Variants in DLG2 observed in about 807,000 individuals in gnomAD.
The protein encoded by DLG2 is discs large MAGUK scaffold protein 2.
DLG2 carries 45 observed loss-of-function variants against 132.5 expected under a neutral mutation model. The observed-to-expected ratio is 0.34, with a 90% CI of 0.27 to 0.44. The LOEUF (loss-of-function observed/expected upper bound fraction) is 0.44. Among genes scored for constraint, DLG2 ranks in the 20% least tolerant of loss-of-function variants. The pLI, the probability that DLG2 is intolerant of heterozygous loss-of-function variation, is 1.00. For missense variants in DLG2, 1,045 were observed against 1,196.9 expected (o/e 0.87, Z 1.87); for synonymous variants, 424 against 419.6 (o/e 1.01, Z -0.13).
intron 19 of DLG2, among the ~76,000 whole-genome samples, chr11:83,558,132 G>C (rs546736394): frequency 6.6e-6 from 1 of 152,196 alleles, no homozygotes; most frequent in South Asian, 2.1e-4. Flanking sequence ...CTCCAAACTG[G>C]CTCTAGTTGT....
intron 3 of DLG2, among the ~76,000 whole-genome samples, chr11:85,562,239 A>G (rs1249465939): frequency 6.6e-6 from 1 of 151,734 alleles, no homozygotes; most frequent in African/African-American, 2.4e-5. Context: ...TGATCCAGGC[A>G]ACTTTTATAT....
chr11:84,028,731 T>C (rs563321141), intron 11 of DLG2, among the ~76,000 whole-genome samples: 3 of 152,220 alleles, frequency 2.0e-5, no homozygotes, highest in South Asian at 2.1e-4. Context: ...CTACTTCTTG[T>C]CCCTGGAAAA....
chr11:83,842,294 G>C lies in DLG2; in HGVS notation c.1566-8524C>G, dbSNP rs113360547. ...CGGCAGATGGTTTAAGAGTGTTCAT[G>C]ACTCAAAAAGGAAAATTACCGCCAG... On this transcript the variant is annotated intron_variant, in intron 16 of 27. Transcript: ENST00000376104. Among the ~76,000 whole-genome samples, 428 of 152,102 alleles carry C rather than the reference G, an allele frequency of 2.8e-3. 4 individuals carry two copies. The highest frequency in any genetic ancestry group is 1.0e-2 in the African/African-American group (414 of 41,496).
intron 16 of DLG2, among the ~76,000 whole-genome samples, chr11:83,873,976 T>C (rs2064011520): frequency 6.6e-6 from 1 of 152,182 alleles, no homozygotes; most frequent in Non-Finnish European, 1.5e-5. Flanking sequence ...TACTAGACAA[T>C]GAAGCCCTCT....
intron 3 of DLG2, among the ~76,000 whole-genome samples, chr11:85,364,900 C>T (rs2084423130): frequency 6.6e-6 from 1 of 151,282 alleles, no homozygotes. Context: ...AGAGTTGGTA[C>T]ATTGTTTAAC....
At chr11:84,811,499 T>C (rs1436063383) in intron 6 of DLG2, among the ~76,000 whole-genome samples, 5 of 152,150 alleles carry the variant, frequency 3.3e-5, no homozygotes, top group Non-Finnish European at 5.9e-5. Context: ...AGTCTTACTT[T>C]TTTTTGTTTT....
At chr11:83,568,216 C>T (rs2096741003) in intron 19 of DLG2, among the ~76,000 whole-genome samples, 1 of 151,972 alleles carries the variant, frequency 6.6e-6, no homozygotes. Flanking sequence ...TTTAAGGAGG[C>T]AGAGTCAACA....
At chr11:84,319,086 A>G (rs1843483824) in intron 7 of DLG2, among the ~76,000 whole-genome samples, 2 of 152,198 alleles carry the variant, frequency 1.3e-5, no homozygotes, top group East Asian at 3.8e-4. Flanking sequence ...TGAAACTTGA[A>G]CTGTTGGGCA....
intron 3 of DLG2, among the ~76,000 whole-genome samples, chr11:85,486,350 C>T (rs1466499390): frequency 6.6e-6 from 1 of 152,152 alleles, no homozygotes; most frequent in African/African-American, 2.4e-5. Context: ...GGTGGTAGGC[C>T]CACAGCACAG....
At chr11:85,160,084 T>TA (rs777106818) in intron 4 of DLG2, among the ~76,000 whole-genome samples, 2 of 152,084 alleles carry the variant, frequency 1.3e-5, no homozygotes, top group Non-Finnish European at 2.9e-5. Flanking sequence ...CCTTCTAAGG[T>TA]AAAAAATAAG....
chr11:84,081,169 C>A (rs2096897691), intron 10 of DLG2, among the ~76,000 whole-genome samples: 1 of 152,030 alleles, frequency 6.6e-6, no homozygotes, highest in African/African-American at 2.4e-5. Context: ...TATCTTGTGG[C>A]TCTGATGTCT....
At chr11:84,041,162 G>C (rs902808980) in intron 11 of DLG2, among the ~76,000 whole-genome samples, 1 of 151,958 alleles carries the variant, frequency 6.6e-6, no homozygotes, top group Admixed American at 6.6e-5. Context: ...TGGCATTACA[G>C]TATACTATAT....
intron 6 of DLG2, chr11:84,545,573 G>T: frequency 2.7e-6 from 1 of 371,876 alleles, no homozygotes; most frequent in Non-Finnish European, 5.3e-6. Flanking sequence ...ACTCTTTGAA[G>T]TTTCCTAACT....
intron 7 of DLG2, among the ~76,000 whole-genome samples, chr11:84,375,623 G>A (rs1052399840): frequency 5.3e-5 from 8 of 151,626 alleles, no homozygotes; most frequent in Middle Eastern, 3.4e-3. Flanking sequence ...GACTTTATCC[G>A]TTTTAGTATT....
At chr11:83,773,410 C>T (rs528443340) in intron 18 of DLG2, among the ~76,000 whole-genome samples, 60 of 152,086 alleles carry the variant, frequency 3.9e-4, no homozygotes, top group Non-Finnish European at 6.3e-4. Context: ...TTAATGTTTC[C>T]AAGACTCTAT....
intron 18 of DLG2, among the ~76,000 whole-genome samples, chr11:83,748,552 G>C (rs921218122): frequency 6.6e-6 from 1 of 152,206 alleles, no homozygotes; most frequent in Non-Finnish European, 1.5e-5. Context: ...ATTACAGTGA[G>C]TACATGACAA....
At chr11:85,025,954 C>T (rs1214858214) in intron 6 of DLG2, among the ~76,000 whole-genome samples, 1 of 151,874 alleles carries the variant, frequency 6.6e-6, no homozygotes, top group Non-Finnish European at 1.5e-5. Context: ...ACCCTCTTGA[C>T]ATTATATTCA....
chr11:85,109,841 G>A (rs2072420458), intron 6 of DLG2, among the ~76,000 whole-genome samples: 1 of 152,054 alleles, frequency 6.6e-6, no homozygotes, highest in Admixed American at 6.6e-5. Context: ...ATTCTCTTAG[G>A]AGAAAAGTGT....
intron 15 of DLG2, among the ~76,000 whole-genome samples, chr11:83,914,809 G>T (rs1315349606): frequency 6.6e-6 from 1 of 152,134 alleles, no homozygotes; most frequent in Non-Finnish European, 1.5e-5. Flanking sequence ...ATGTGCTTCA[G>T]AGCATTTGAG....
Sources: allele counts gnomAD v4.1 joint callset (sites outside exome capture counted in the v4.1 genomes callset), GRCh38; gene constraint gnomAD v4.1.1; transcripts MANE v1.5; gene names NCBI Gene and HGNC (gene_info 2026-07-23, HGNC 2026-07-21).